Variants in BCL7C observed in about 807,000 individuals in gnomAD.
BCL7C encodes B-cell CLL/lymphoma 7 protein family member C.
In BCL7C, 8 loss-of-function variants were observed where a neutral mutation model predicts 26.2. The observed-to-expected ratio is 0.30, with a 90% CI of 0.18 to 0.55. BCL7C has a LOEUF of 0.55. BCL7C is among the 20% of genes least tolerant of loss of function. The probability of loss-of-function intolerance (pLI) is 0.93; values close to 1 mark genes in which losing one functional copy is unlikely to be tolerated. For synonymous variants in BCL7C, 90 were observed against 116.5 expected (o/e 0.77, Z 1.47); for missense variants, 262 against 298.5 (o/e 0.88, Z 0.90).
intron 5 of BCL7C, among the ~76,000 whole-genome samples, chr16:30,841,202 T>C (rs74679575): frequency 3.3e-5 from 5 of 152,322 alleles, no homozygotes; most frequent in African/African-American, 4.8e-5. Context: ...AATAGTCAGA[T>C]AGTGGTCTGC....
At chr16:30,864,651 A>T (rs1226889920) in intron 5 of BCL7C, among the ~76,000 whole-genome samples, 1 of 152,062 alleles carries the variant, frequency 6.6e-6, no homozygotes, top group Non-Finnish European at 1.5e-5. Flanking sequence ...TTTCTTATTA[A>T]TATAAGACAG....
intron 5 of BCL7C, chr16:30,852,350 TAATG>T (rs2054682632): frequency 1.3e-5 from 2 of 152,132 alleles, no homozygotes; most frequent in African/African-American, 4.8e-5. Flanking sequence ...TAAACAGCAG[TAATG>T]AGTCATTAAA....
chr16:30,865,676 C>T (rs1012719581), intron 5 of BCL7C, among the ~76,000 whole-genome samples: 1 of 151,454 alleles, frequency 6.6e-6, no homozygotes, highest in Non-Finnish European at 1.5e-5. Flanking sequence ...CATTTTTCCT[C>T]ATCTGTATTT....
intron 5 of BCL7C, among the ~76,000 whole-genome samples, chr16:30,864,258 G>A (rs990771108): frequency 3.3e-5 from 5 of 152,146 alleles, no homozygotes; most frequent in South Asian, 2.1e-4. Context: ...CCAAAAACTC[G>A]CCAACCAAGC....
intron 5 of BCL7C, 186 bp downstream of exon 5, chr16:30,888,674 C>T: frequency 5.6e-6 from 3 of 539,136 alleles, no homozygotes; most frequent in Non-Finnish European, 9.9e-6. Flanking sequence ...CCTGATCCAG[C>T]CCTCAGCACT....
intron 5 of BCL7C, among the ~76,000 whole-genome samples, chr16:30,860,534 C>T (rs1368366956): frequency 2.0e-5 from 3 of 152,186 alleles, no homozygotes; most frequent in Admixed American, 6.6e-5. Context: ...AAAACCTAAA[C>T]ACCTTATTTT....
intron 5 of BCL7C, among the ~76,000 whole-genome samples, chr16:30,855,850 C>A (rs190649330): frequency 6.7e-6 from 1 of 149,858 alleles, no homozygotes; most frequent in Non-Finnish European, 1.5e-5. Flanking sequence ...CACCTGAGGT[C>A]GGGAGTTCAA....
Position 30,834,792 on chromosome 16 carries a change from G to T in BCL7C, c.*156C>A. The T allele has an allele frequency of 2.9e-6, 2 of 688,982 alleles. No individual in the cohort carries two copies. The highest frequency in any genetic ancestry group is 4.6e-6 in the Non-Finnish European group (2 of 430,624). The allele number at this position is 688,982 out of a possible 1,614,324, so 42.7% of individuals were successfully genotyped here. ...AGTGGCGAGCCAGATGGGTGCTGTG[G>T]CCTTAGGTTCGGGCAGGTGTGGGGC... On this transcript the variant is annotated 3_prime_UTR_variant, in exon 6 of 6. Transcript: ENST00000380317. This position sits in a 1 kb window ranked among gnomAD's most constrained non-coding sequence, Gnocchi z 4.3.
In BCL7C at chr16:30,893,969, G is replaced by C; in HGVS notation, c.-25C>G. Reference sequence around the variant, plus strand: ...TGCTGGCGGGGCTGGGGCCGGGGCCGAGCCCGCGGCGGGGCCGCCTCCCGT... The same window carrying C: ...TGCTGGCGGGGCTGGGGCCGGGGCCCAGCCCGCGGCGGGGCCGCCTCCCGT... On this transcript the variant is annotated 5_prime_UTR_variant, in exon 1 of 6. Coordinates refer to ENST00000215115, the MANE Select transcript of BCL7C (RefSeq NM_004765.4). The surrounding 1 kb of genome is among the most constrained non-coding windows in gnomAD (Gnocchi z 5.2). 7.8e-7 allele frequency: 1 copy of C among 1,290,130 alleles called. No individual in the cohort carries two copies. Among genetic ancestry groups the C allele is most frequent in the Non-Finnish European group, 9.9e-7 (1 of 1,010,558 alleles). 79.9% of individuals were successfully genotyped at this position (1,290,130 alleles called of 1,614,324 possible).
At chr16:30,871,590 T>G (rs2054883098) in intron 5 of BCL7C, among the ~76,000 whole-genome samples, 1 of 152,072 alleles carries the variant, frequency 6.6e-6, no homozygotes, top group Non-Finnish European at 1.5e-5. Context: ...GTTCCAGTGA[T>G]TCTCCTGCCT....
intron 5 of BCL7C, among the ~76,000 whole-genome samples, chr16:30,877,887 G>T (rs935253470): frequency 6.6e-6 from 1 of 151,964 alleles, no homozygotes; most frequent in Non-Finnish European, 1.5e-5. Flanking sequence ...AAATCCCAGG[G>T]CCCTTGGCCG....
At chr16:30,853,246 C>G (rs1036130809) in intron 5 of BCL7C, among the ~76,000 whole-genome samples, 1 of 152,108 alleles carries the variant, frequency 6.6e-6, no homozygotes, top group Non-Finnish European at 1.5e-5. Context: ...CCAACTTTTT[C>G]TATTTTAAAA....
Position 30,881,029 on chromosome 16 carries a change from C to T in BCL7C, c.528+7831G>A, listed in dbSNP as rs562754091. 3.9e-5 allele frequency among the ~76,000 whole-genome samples: 6 copies of T among 152,234 alleles called. No individual in the cohort carries two copies. In the South Asian group the frequency reaches 1.0e-3, roughly 26 times the overall value. On this transcript the variant is annotated intron_variant, in intron 5 of 5. Coordinates refer to the BCL7C transcript ENST00000380317. The stretch of plus-strand genomic sequence containing the variant: ...CTGAATCAAGCAATTAACACCTATG[C>T]ATTTTACTATATAGATATTTTACAT...
At chr16:30,881,869 G>A (rs150591731) in intron 5 of BCL7C, among the ~76,000 whole-genome samples, 55 of 151,986 alleles carry the variant, frequency 3.6e-4, no homozygotes, top group African/African-American at 1.3e-3. Context: ...CCCATCTCCC[G>A]TTCTGTGCTT....
chr16:30,852,567 C>T (rs773988608), intron 5 of BCL7C, among the ~76,000 whole-genome samples: 1 of 150,562 alleles, frequency 6.6e-6, no homozygotes, highest in Non-Finnish European at 1.5e-5. Context: ...TCTCGGCTCA[C>T]GGCAACCTCT....
At chr16:30,868,433 C>T (rs146111644) in intron 5 of BCL7C, among the ~76,000 whole-genome samples, 40 of 150,288 alleles carry the variant, frequency 2.7e-4, no homozygotes, top group South Asian at 6.4e-4. Flanking sequence ...CACCGCACCC[C>T]GCCAAATCTG....
intron 5 of BCL7C, among the ~76,000 whole-genome samples, chr16:30,849,844 A>G (rs1370309537): frequency 6.7e-6 from 1 of 150,062 alleles, no homozygotes; most frequent in Non-Finnish European, 1.5e-5. Context: ...AGCCTCCACC[A>G]TGCCTAGCTA....
At chr16:30,879,586 T>C (rs2055006466) in intron 5 of BCL7C, among the ~76,000 whole-genome samples, 1 of 149,828 alleles carries the variant, frequency 6.7e-6, no homozygotes, top group African/African-American at 2.5e-5. Flanking sequence ...CCAGGTGTGG[T>C]GGCTCACGCC....
At chr16:30,891,255 G>A (rs2143172348) in intron 4 of BCL7C, among the ~76,000 whole-genome samples, 1 of 151,432 alleles carries the variant, frequency 6.6e-6, no homozygotes, top group Admixed American at 6.6e-5. Flanking sequence ...CTGAGGTCAG[G>A]CGTTTGAGAC....
Sources: allele counts gnomAD v4.1 joint callset (sites outside exome capture counted in the v4.1 genomes callset), GRCh38; gene constraint gnomAD v4.1.1; non-coding constraint Gnocchi (gnomAD v3.1); transcripts MANE v1.5; gene names NCBI Gene and HGNC (gene_info 2026-07-23, HGNC 2026-07-21).